Variants in SOX6 observed in about 807,000 individuals in gnomAD.
The protein encoded by SOX6 is SRY-box transcription factor 6, also known as transcription factor SOX-6.
In SOX6, 11 loss-of-function variants were observed where a neutral mutation model predicts 97.8. The observed-to-expected ratio is 0.11, with a 90% confidence interval of 0.07 to 0.19. The LOEUF is 0.19. Ranked by LOEUF, SOX6 falls within the 10% of genes least tolerant of loss-of-function variation. The pLI is 1.00. For missense variants in SOX6, 810 were observed against 1,039.5 expected, an observed-to-expected ratio of 0.78 and a Z score of 3.04; for synonymous variants, 360 against 371.4, an observed-to-expected ratio of 0.97 and a Z score of 0.35.
intron 4 of SOX6, among the ~76,000 whole-genome samples, chr11:16,187,741 A>C (rs1407283443): frequency 6.6e-6 from 1 of 152,202 alleles, no homozygotes; most frequent in African/African-American, 2.4e-5. Context: ...TATGGTATGC[A>C]CTAATGGTGC....
At position 16,326,556 on chromosome 11, in the gene SOX6, C is replaced by T. The variant is rs543149566; in HGVS notation, c.238-7903G>A. ...CTCAACAGTAAAAGATGCCACAATG[C>T]CAATGATGACTACCTTCTAAGTCTT... On this transcript the variant is annotated intron_variant, in intron 2 of 15. Coordinates refer to ENST00000683767, the MANE Select transcript of SOX6 (RefSeq NM_001367873.1). Among the ~76,000 whole-genome samples the T allele has an allele frequency of 8.5e-5, 13 of 152,190 alleles. No homozygotes were observed. In the East Asian group the frequency reaches 1.9e-3, roughly 23 times the overall value.
chr11:16,631,237 T>A (rs995659700), intron 3 of SOX6, among the ~76,000 whole-genome samples: 1 of 151,284 alleles, frequency 6.6e-6, no homozygotes, highest in African/African-American at 2.4e-5. Flanking sequence ...TTTGTATGCA[T>A]GTTTAAAACT....
chr11:16,544,552 A>T (rs1847592027), intron 4 of SOX6, among the ~76,000 whole-genome samples: 1 of 152,062 alleles, frequency 6.6e-6, no homozygotes, highest in Admixed American at 6.6e-5. Flanking sequence ...GAGCCACCAC[A>T]CCCAGCCAAA....
At chr11:16,403,927 A>G (rs1858624033) in intron 1 of SOX6, among the ~76,000 whole-genome samples, 1 of 151,804 alleles carries the variant, frequency 6.6e-6, no homozygotes, top group Admixed American at 6.6e-5. Context: ...AGAAACCCAA[A>G]GGTTTCTAGA....
At chr11:16,644,205 A>G (rs563001186) in intron 3 of SOX6, among the ~76,000 whole-genome samples, 8 of 152,138 alleles carry the variant, frequency 5.3e-5, no homozygotes, top group Admixed American at 1.3e-4. Flanking sequence ...CACACCTGCT[A>G]ATTTTTCTAT....
chr11:16,722,733 A>C (rs1318115887), intron 2 of SOX6, among the ~76,000 whole-genome samples: 1 of 152,192 alleles, frequency 6.6e-6, no homozygotes, highest in African/African-American at 2.4e-5. Context: ...AAAAAACCTC[A>C]ATGTCACTAT....
In SOX6 at chr11:16,318,559, A is replaced by G. The variant is rs771293960; in HGVS notation, c.332T>C (p.Ile111Thr). Residue 111 changes from isoleucine (I) to threonine (T), a missense_variant, in exon 3 of 16, where the codon ATA becomes ACA. Ile to Thr is a moderately conservative substitution (Grantham distance 89). Around this residue, in one of 9 missense-constraint regions of SOX6, gnomAD observed 46 missense variants for 84.1 expected, o/e 0.55. Coordinates refer to ENST00000683767, the MANE Select transcript of SOX6 (RefSeq NM_001367873.1). Reference protein sequence around the residue: ...KPDEGSRDREIMTSVTFGTPE... With the variant: ...KPDEGSRDRETMTSVTFGTPE... ...GGTTCCAAAAGTAACACTGGTCATT[A>G]TCTCACGGTCCCGACTCCCTTCGTC... The G allele has an allele frequency of 6.2e-7, 1 of 1,613,734 alleles. No homozygotes were observed. Among genetic ancestry groups the G allele is most frequent in the East Asian group, 2.2e-5 (1 of 44,858 alleles).
At chr11:16,112,075 T>C in intron 6 of SOX6, 152 bp from the exon 7 acceptor site, 1 of 984,572 alleles carries the variant, frequency 1.0e-6, no homozygotes, top group Admixed American at 2.0e-5. Context: ...TCAGTTAAAA[T>C]CCACCAAATC....
At chr11:16,210,045 T>C (rs941270067) in intron 4 of SOX6, among the ~76,000 whole-genome samples, 1 of 152,162 alleles carries the variant, frequency 6.6e-6, no homozygotes, top group African/African-American at 2.4e-5. Context: ...CTGGTTGGAA[T>C]GTAAAATGGT....
At chr11:16,612,818 G>A (rs950339321) in intron 3 of SOX6, among the ~76,000 whole-genome samples, 1 of 152,008 alleles carries the variant, frequency 6.6e-6, no homozygotes, top group Non-Finnish European at 1.5e-5. Flanking sequence ...CTCTGCACAA[G>A]GGCAGCTGGA....
At chr11:16,440,071 G>A (rs1169542879) in intron 1 of SOX6, among the ~76,000 whole-genome samples, 6 of 152,126 alleles carry the variant, frequency 3.9e-5, no homozygotes, top group African/African-American at 1.4e-4. Context: ...ATAACCTCGA[G>A]GCTAAGCTGT....
intron 4 of SOX6, among the ~76,000 whole-genome samples, chr11:16,514,916 T>C (rs1315861750): frequency 6.6e-6 from 1 of 151,824 alleles, no homozygotes; most frequent in East Asian, 1.9e-4. Context: ...ATGGTGTATA[T>C]GCGCCACATT....
chr11:16,553,884 G>A (rs1847718801), intron 4 of SOX6, among the ~76,000 whole-genome samples: 1 of 152,064 alleles, frequency 6.6e-6, no homozygotes, highest in Non-Finnish European at 1.5e-5. Flanking sequence ...TTAAAAAGAT[G>A]AAAAATAGAC....
chr11:16,234,799 T>A (rs1353059065), intron 3 of SOX6, 128 bp from the exon 4 acceptor site: 3 of 508,968 alleles, frequency 5.9e-6, no homozygotes, highest in East Asian at 6.7e-5. Context: ...AACCCCAGGA[T>A]ATAGAAAATT....
At position 15,997,646 on chromosome 11, in the gene SOX6, T is replaced by C. The variant is rs1442203218; in HGVS notation, c.1733-8416A>G. On this transcript the variant is annotated intron_variant, in intron 13 of 15. Transcript: ENST00000683767. ...ATTCAATACTCAATCATGTTAGAAATGCTCAGGAAATTAGTATTAAAAGGA... is the reference window on the plus strand; with the variant it reads ...ATTCAATACTCAATCATGTTAGAAACGCTCAGGAAATTAGTATTAAAAGGA... Among the ~76,000 whole-genome samples, 8 of 152,114 alleles carry C rather than the reference T, an allele frequency of 5.3e-5. No homozygotes were observed. The East Asian group carries it at 1.5e-3, about 29-fold the overall frequency.
intron 4 of SOX6, among the ~76,000 whole-genome samples, chr11:16,576,669 A>T (rs903995185): frequency 6.6e-6 from 1 of 152,178 alleles, no homozygotes; most frequent in Non-Finnish European, 1.5e-5. Flanking sequence ...ATTTTAAAGG[A>T]ACTATAATAT....
chr11:16,550,511 G>A (rs981271779), intron 4 of SOX6, among the ~76,000 whole-genome samples: 1 of 151,926 alleles, frequency 6.6e-6, no homozygotes, highest in Non-Finnish European at 1.5e-5. Context: ...TATATCTTAA[G>A]TGTGGTGGTA....
chr11:16,179,192 A>C (rs1410252688), intron 6 of SOX6, among the ~76,000 whole-genome samples: 1 of 151,870 alleles, frequency 6.6e-6, no homozygotes, highest in Non-Finnish European at 1.5e-5. Flanking sequence ...TCTCCTTAAA[A>C]GGTGAGAGGA....
At chr11:16,113,478 T>C (rs1849277207) in intron 6 of SOX6, among the ~76,000 whole-genome samples, 1 of 152,196 alleles carries the variant, frequency 6.6e-6, no homozygotes. Flanking sequence ...GTCTTGCCTT[T>C]AACCCTGAAG....
Sources: gnomAD v4.1 joint callset for allele counts (sites outside exome capture counted in the v4.1 genomes callset) on GRCh38, gnomAD v4.1.1 for gene constraint, gnomAD v4.1.1 regional missense constraint, MANE v1.5 for transcripts, NCBI Gene and HGNC (gene_info 2026-07-23, HGNC 2026-07-21) for gene names.